The following PABPC1L variants were observed in gnomAD, a reference collection of about 807,000 sequenced individuals.
The protein encoded by PABPC1L is poly(A) binding protein cytoplasmic 1 like.
In PABPC1L, 31 loss-of-function variants were observed where a neutral mutation model predicts 66.6. The ratio of observed to expected loss-of-function variants is 0.47; its 90% confidence interval spans 0.35 to 0.63. PABPC1L has a LOEUF of 0.63. PABPC1L is among the 20% of genes least tolerant of loss of function. The pLI is 0.00. For synonymous variants in PABPC1L, 348 were observed against 335.1 expected (o/e 1.04, Z -0.42); for missense variants, 722 against 848.8 (o/e 0.85, Z 1.86).
intron 7 of PABPC1L, among the ~76,000 whole-genome samples, chr20:44,925,577 G>GA (rs1331283541): frequency 6.6e-6 from 1 of 152,160 alleles, no homozygotes; most frequent in Non-Finnish European, 1.5e-5. Flanking sequence ...AGGATGGGGG[G>GA]ACCCGCCTGA....
In PABPC1L at chr20:44,932,349, C is replaced by G. The variant is rs2066866733; in HGVS notation, c.1247C>G (p.Ala416Gly). 1.2e-6 allele frequency: 2 copies of G among 1,612,128 alleles called. No individual in the cohort carries two copies. The highest frequency in any genetic ancestry group is 1.7e-5 in the Admixed American group (1 of 59,838). The change falls in exon 9 of 15, where the codon GCC becomes GGC. Residue 416 changes from alanine (A) to glycine (G), a missense_variant. Ala to Gly is a moderately conservative substitution (Grantham distance 60). Coordinates refer to ENST00000217073, the MANE Select transcript of PABPC1L (RefSeq NM_001372179.1). ...TCTTCTTTTCCCATGCAGCCTCCAG[C>G]CCAGGCTGCATACTATGGCTGTGGC... The part of the protein sequence containing the change: ...YFLPAMPQPP[A>G]QAAYYGCGPV...
chr20:44,932,989 G>A (rs896145467), intron 9 of PABPC1L, 68 bp from the exon 10 acceptor site: 3 of 1,068,706 alleles, frequency 2.8e-6, no homozygotes, highest in African/African-American at 3.1e-5. Context: ...TCTAGGCACA[G>A]TGTGCCACCC....
chr20:44,927,353 T>TATA, intron 7 of PABPC1L, among the ~76,000 whole-genome samples: 1 of 147,242 alleles, frequency 6.8e-6, no homozygotes, highest in Admixed American at 6.7e-5. Flanking sequence ...ATATATATAT[T>TATA]TTTTTTTTTT....
chr20:44,933,378 A>G (rs1354273780), intron 10 of PABPC1L, among the ~76,000 whole-genome samples, 193 bp downstream of exon 10: 1 of 152,010 alleles, frequency 6.6e-6, no homozygotes, highest in African/African-American at 2.4e-5. Flanking sequence ...TGACTACTAT[A>G]TCTGTCACCT....
rs779687882 is a variant in PABPC1L at position 44,921,701 on chromosome 20, G to A, written c.846G>A (p.Gln282=). 2.5e-6 allele frequency: 4 copies of A among 1,613,842 alleles called. No homozygotes were observed. Among genetic ancestry groups the A allele is most frequent in the Non-Finnish European group, 2.5e-6 (3 of 1,179,896 alleles). ...RQNELKRRFE[Q]MKQDRLRRYQ... ...ATGAACTGAAGCGCAGGTTTGAGCA[G>A]ATGAAGCAGGACCGGCTGAGGCGTT... Residue 282 remains glutamine (Q), a synonymous_variant, in exon 6 of 15, where the codon CAG becomes CAA. Coordinates refer to ENST00000217073, the MANE Select transcript of PABPC1L (RefSeq NM_001372179.1).
intron 6 of PABPC1L, among the ~76,000 whole-genome samples, chr20:44,923,842 G>A (rs2066790694): frequency 6.6e-6 from 1 of 152,184 alleles, no homozygotes; most frequent in Non-Finnish European, 1.5e-5. Flanking sequence ...GCTTGGGCAT[G>A]CTCTGCACCT....
chr20:44,923,516 C>G (rs2066788099), intron 6 of PABPC1L, among the ~76,000 whole-genome samples: 1 of 151,990 alleles, frequency 6.6e-6, no homozygotes, highest in Non-Finnish European at 1.5e-5. Flanking sequence ...GTAATCCCAG[C>G]TACTTGGGAG....
intron 2 of PABPC1L, among the ~76,000 whole-genome samples, chr20:44,913,777 T>C (rs1183965128): frequency 2.0e-5 from 3 of 152,076 alleles, no homozygotes; most frequent in Non-Finnish European, 4.4e-5. Flanking sequence ...GTAGAAATTA[T>C]AGGATGAAGG....
rs758897975 is a variant in PABPC1L at position 44,930,525 on chromosome 20, G to A, written c.1038G>A (p.Ala346=). Residue 346 remains alanine, a synonymous_variant, in exon 8 of 15, where the codon GCG becomes GCA. Transcript: ENST00000217073. ...TGTGTTTTTCCTCCCCAGAAGAGGCGACAAAGGCCGTGACAGAGATGAACG... is the reference window on the plus strand; with the variant it reads ...TGTGTTTTTCCTCCCCAGAAGAGGCAACAAAGGCCGTGACAGAGATGAACG... ...GFVCFSSPEE[A]TKAVTEMNGR... is the part of the protein sequence containing the mutation. 13 of 1,614,138 alleles carry A rather than the reference G, an allele frequency of 8.1e-6. 1 individual carries two copies. Among genetic ancestry groups the A allele is most frequent in the East Asian group, 4.5e-5 (2 of 44,888 alleles).
At chr20:44,938,251 G>C in intron 13 of PABPC1L, 60 bp downstream of exon 13, 1 of 1,576,148 alleles carries the variant, frequency 6.3e-7, no homozygotes, top group South Asian at 1.1e-5. Flanking sequence ...TAACGACAAG[G>C]GCTCTCCTAG....
At chr20:44,911,693 G>C (rs1027242553) in intron 1 of PABPC1L, among the ~76,000 whole-genome samples, 1 of 152,092 alleles carries the variant, frequency 6.6e-6, no homozygotes, top group African/African-American at 2.4e-5. Flanking sequence ...TGGATTCCTG[G>C]GCACTTTTCT....
chr20:44,930,358 C>G, intron 7 of PABPC1L, 102 bp from the exon 8 acceptor site: 1 of 1,452,836 alleles, frequency 6.9e-7, no homozygotes, highest in Admixed American at 2.1e-5. Flanking sequence ...TTCTCGCGGG[C>G]CTGCCCAGTG....
chr20:44,924,350 C>A, intron 7 of PABPC1L, 94 bp downstream of exon 7: 1 of 1,008,342 alleles, frequency 9.9e-7, no homozygotes, highest in Admixed American at 2.0e-5. Context: ...TCTCGCCCAG[C>A]AGCCTTCAGG....
At chr20:44,915,014 T>C (rs2066728934) in intron 2 of PABPC1L, among the ~76,000 whole-genome samples, 1 of 152,190 alleles carries the variant, frequency 6.6e-6, no homozygotes, top group South Asian at 2.1e-4. Context: ...TGACCCACAG[T>C]GGGGACCCAG....
chr20:44,933,748 A>ATTTTAAT (rs2066879934), intron 10 of PABPC1L, among the ~76,000 whole-genome samples: 1 of 119,482 alleles, frequency 8.4e-6, no homozygotes, highest in African/African-American at 3.3e-5. Context: ...CCCAGCCTTA[A>ATTTTAAT]TTTTTTTTTT....
intron 7 of PABPC1L, among the ~76,000 whole-genome samples, chr20:44,928,064 A>ATTATTT (rs746228262): frequency 1.2e-4 from 19 of 152,078 alleles, no homozygotes; most frequent in Non-Finnish European, 2.1e-4. Context: ...TGCTTCTTTT[A>ATTATTT]TTATTTTTAT....
chr20:44,918,759 G>A, intron 3 of PABPC1L, 147 bp from the exon 4 acceptor site: 1 of 857,578 alleles, frequency 1.2e-6, no homozygotes, highest in South Asian at 2.4e-5. Flanking sequence ...GGGCCTTGGG[G>A]ATGTTCTAAG....
intron 7 of PABPC1L, among the ~76,000 whole-genome samples, chr20:44,924,708 T>C (rs912288781): frequency 6.6e-6 from 1 of 152,188 alleles, no homozygotes; most frequent in Non-Finnish European, 1.5e-5. Flanking sequence ...CCAACCCTGT[T>C]AGGCCCCTGA....
chr20:44,923,243 C>T (rs1163221317), intron 6 of PABPC1L, among the ~76,000 whole-genome samples: 1 of 152,152 alleles, frequency 6.6e-6, no homozygotes, highest in Non-Finnish European at 1.5e-5. Context: ...TGATCTGGGG[C>T]AACTTATTTA....
Sources: allele counts gnomAD v4.1 joint callset (sites outside exome capture counted in the v4.1 genomes callset), GRCh38; gene constraint gnomAD v4.1.1; transcripts MANE v1.5; gene names NCBI Gene and HGNC (gene_info 2026-07-23, HGNC 2026-07-21).